The following SHISA9 variants were observed in gnomAD, a reference collection of about 807,000 sequenced individuals.
SHISA9 encodes shisa family member 9.
A neutral mutation model predicts 38.0 loss-of-function variants in SHISA9; 13 were observed. That is an observed-to-expected ratio of 0.34 (90% CI 0.22 to 0.54). The LOEUF (loss-of-function observed/expected upper bound fraction) is 0.54, where lower values mean the gene tolerates loss of function less well. Among genes scored for constraint, SHISA9 ranks in the 20% least tolerant of loss-of-function variants. SHISA9 has a pLI of 0.91. For missense variants in SHISA9, 538 were observed against 575.8 expected (o/e 0.93, Z 0.67); for synonymous variants, 275 against 242.0 (o/e 1.14, Z -1.27).
chr16:13,118,731 T>TTC (rs111413065), intron 2 of SHISA9, among the ~76,000 whole-genome samples: 1 of 17,724 alleles, frequency 5.6e-5, no homozygotes, highest in African/African-American at 6.9e-4. Flanking sequence ...TTCTTTTTTC[T>TTC]TTTTTTTTTT....
intron 3 of SHISA9, among the ~76,000 whole-genome samples, chr16:13,208,838 C>T (rs2051092216): frequency 6.6e-6 from 1 of 152,180 alleles, no homozygotes; most frequent in Non-Finnish European, 1.5e-5. Flanking sequence ...GTATCCCCAG[C>T]ACCTAGTGTC....
intron 2 of SHISA9, among the ~76,000 whole-genome samples, chr16:12,983,228 C>A (rs939229148): frequency 2.6e-5 from 4 of 152,182 alleles, no homozygotes; most frequent in African/African-American, 9.7e-5. Context: ...GCTTATGTGG[C>A]TTGTGGCAGC....
chr16:13,123,779 A>G (rs796700548), intron 2 of SHISA9, among the ~76,000 whole-genome samples: 8 of 152,354 alleles, frequency 5.3e-5, no homozygotes, highest in African/African-American at 1.9e-4. Context: ...GTGGTAGCTA[A>G]CAGTGGGACT....
At chr16:13,376,891 G>A in the SHISA9 span, among the ~76,000 whole-genome samples, 1 of 152,058 alleles carries the variant, frequency 6.6e-6, no homozygotes, top group Non-Finnish European at 1.5e-5. Flanking sequence ...TGCCCAGGCT[G>A]GTTTCGAACT....
intron 2 of SHISA9, among the ~76,000 whole-genome samples, 154 bp downstream of exon 2, chr16:12,916,969 T>C (rs1374697956): frequency 6.6e-6 from 1 of 152,218 alleles, no homozygotes; most frequent in Non-Finnish European, 1.5e-5. Context: ...AAGCTGAATT[T>C]AGCATCATCC....
chr16:13,224,032 T>C (rs981785501), intron 4 of SHISA9, among the ~76,000 whole-genome samples: 3 of 152,152 alleles, frequency 2.0e-5, no homozygotes, highest in Admixed American at 2.0e-4. Context: ...TCCCTACTTA[T>C]AAAATAAAAC....
At chr16:13,374,393 C>G in the SHISA9 span, among the ~76,000 whole-genome samples, 16 of 152,128 alleles carry the variant, frequency 1.1e-4, no homozygotes, top group Non-Finnish European at 1.9e-4. Context: ...TCAATTCCCA[C>G]CTATGAGTGA....
the SHISA9 span, among the ~76,000 whole-genome samples, chr16:13,552,567 C>A: frequency 6.6e-6 from 1 of 151,920 alleles, no homozygotes; most frequent in African/African-American, 2.4e-5. Context: ...GTATTAATAT[C>A]GCCATTTCGC....
chr16:13,116,291 G>T (rs2074030153), intron 2 of SHISA9, among the ~76,000 whole-genome samples: 1 of 152,162 alleles, frequency 6.6e-6, no homozygotes, highest in Admixed American at 6.5e-5. Context: ...ACAGCATGAA[G>T]ATGTCAGTGC....
At chr16:13,429,108 T>A in the SHISA9 span, among the ~76,000 whole-genome samples, 1 of 152,148 alleles carries the variant, frequency 6.6e-6, no homozygotes, top group Non-Finnish European at 1.5e-5. Flanking sequence ...GGAGGATGGA[T>A]GACGGGATAG....
At chr16:13,111,899 G>A (rs2073982029) in intron 2 of SHISA9, among the ~76,000 whole-genome samples, 1 of 152,146 alleles carries the variant, frequency 6.6e-6, no homozygotes, top group Non-Finnish European at 1.5e-5. Flanking sequence ...GACATTCGTG[G>A]AAACCCATTT....
chr16:13,178,013 G>A (rs1341649105), intron 2 of SHISA9, among the ~76,000 whole-genome samples: 1 of 152,178 alleles, frequency 6.6e-6, no homozygotes, highest in Non-Finnish European at 1.5e-5. Flanking sequence ...CTGGAATGAT[G>A]CTTTGCACAT....
At chr16:13,056,522 G>A (rs1441753252) in intron 2 of SHISA9, among the ~76,000 whole-genome samples, 1 of 152,192 alleles carries the variant, frequency 6.6e-6, no homozygotes, top group African/African-American at 2.4e-5. Flanking sequence ...CACATACACT[G>A]AAGGGAAGAC....
At chr16:13,087,265 G>A (rs2073723510) in intron 2 of SHISA9, among the ~76,000 whole-genome samples, 1 of 142,622 alleles carries the variant, frequency 7.0e-6, no homozygotes, top group South Asian at 2.3e-4. Context: ...CTTTGCTATT[G>A]TGAATAGTGC....
intron 1 of SHISA9, among the ~76,000 whole-genome samples, chr16:12,914,328 G>A (rs926449867): frequency 4.0e-4 from 61 of 151,986 alleles, no homozygotes; most frequent in Non-Finnish European, 1.3e-4. Context: ...ACAGGCGTGA[G>A]CCACCGTGCC....
the SHISA9 span, among the ~76,000 whole-genome samples, chr16:13,289,936 A>G: frequency 6.6e-6 from 1 of 152,220 alleles, no homozygotes; most frequent in African/African-American, 2.4e-5. Context: ...AGGTATGGTG[A>G]TTAAAGAAAG....
chr16:12,978,943 A>G (rs1021884764), intron 2 of SHISA9, among the ~76,000 whole-genome samples: 2 of 152,200 alleles, frequency 1.3e-5, no homozygotes, highest in Admixed American at 6.5e-5. Context: ...AGAAGTTTCC[A>G]TAATGAAATG....
the SHISA9 span, among the ~76,000 whole-genome samples, chr16:13,319,395 C>G: frequency 6.6e-6 from 1 of 152,132 alleles, no homozygotes. Flanking sequence ...CTAGAAGACC[C>G]GTTGGAAGAA....
At chr16:13,514,950 G>A in the SHISA9 span, among the ~76,000 whole-genome samples, 1 of 152,130 alleles carries the variant, frequency 6.6e-6, no homozygotes, top group Admixed American at 6.6e-5. Context: ...AATTTTTAAA[G>A]AAATCTGATG....
Sources: gnomAD v4.1 joint callset for allele counts (sites outside exome capture counted in the v4.1 genomes callset) on GRCh38, gnomAD v4.1.1 for gene constraint, MANE v1.5 for transcripts, NCBI Gene and HGNC (gene_info 2026-07-23, HGNC 2026-07-21) for gene names.